Variants in ERC2 observed in about 807,000 individuals in gnomAD.
ERC2 encodes the protein ERC protein 2.
A neutral mutation model predicts 114.8 loss-of-function variants in ERC2; 42 were observed. The ratio of observed to expected loss-of-function variants is 0.37; its 90% CI spans 0.29 to 0.47. The LOEUF is 0.47. Ranked by LOEUF, ERC2 falls within the 20% of genes least tolerant of loss-of-function variation. ERC2 has a pLI of 0.99. For synonymous variants in ERC2, 454 were observed against 425.5 expected (o/e 1.07, Z -0.82); for missense variants, 939 against 1,150.7 (o/e 0.82, Z 2.66).
chr3:55,641,045 G>A (rs1452106110), intron 17 of ERC2, among the ~76,000 whole-genome samples: 1 of 152,160 alleles, frequency 6.6e-6, no homozygotes, highest in Non-Finnish European at 1.5e-5. Flanking sequence ...TACATCTGGG[G>A]TGTCCATACT....
At chr3:55,814,842 G>A (rs1419550500) in intron 14 of ERC2, among the ~76,000 whole-genome samples, 1 of 152,198 alleles carries the variant, frequency 6.6e-6, no homozygotes, top group Non-Finnish European at 1.5e-5. Flanking sequence ...CAATGACAAA[G>A]TCATCTAAAA....
intron 3 of ERC2, among the ~76,000 whole-genome samples, chr3:56,223,947 AAG>A (rs2050090681): frequency 6.6e-6 from 1 of 152,244 alleles, no homozygotes; most frequent in Admixed American, 6.5e-5. Flanking sequence ...ATAATATGTA[AAG>A]AGATATCCAT....
intron 3 of ERC2, among the ~76,000 whole-genome samples, chr3:56,280,112 C>T (rs1027990294): frequency 6.6e-6 from 1 of 152,048 alleles, no homozygotes; most frequent in African/African-American, 2.4e-5. Flanking sequence ...AATATGACCA[C>T]AGAAGCAAGG....
rs187416614 is a variant in ERC2 at position 55,932,342 on chromosome 3, T to C, written c.2403+18083A>G. Reference sequence around the variant, plus strand: ...ATGAAGGCAATAATGATGTTATTATTATGACATCTATTGCTATTGCTTGCC... The same window carrying C: ...ATGAAGGCAATAATGATGTTATTATCATGACATCTATTGCTATTGCTTGCC... On this transcript the variant is annotated intron_variant, in intron 13 of 17. Coordinates refer to ENST00000288221, the MANE Select transcript of ERC2 (RefSeq NM_015576.3). Among the ~76,000 whole-genome samples the C allele has an allele frequency of 3.9e-5, 6 of 152,328 alleles. No homozygotes were observed. The East Asian group carries it at 1.2e-3, about 29-fold the overall frequency.
intron 17 of ERC2, among the ~76,000 whole-genome samples, chr3:55,601,235 C>T (rs572170336): frequency 2.6e-5 from 4 of 152,206 alleles, no homozygotes; most frequent in South Asian, 2.1e-4. Flanking sequence ...TTATATTTTC[C>T]GGTTTTTGGA....
At chr3:56,226,494 C>T (rs893191579) in intron 3 of ERC2, among the ~76,000 whole-genome samples, 8 of 152,152 alleles carry the variant, frequency 5.3e-5, no homozygotes, top group African/African-American at 1.9e-4. Flanking sequence ...TTCAAAACTG[C>T]AGTGTGCTAT....
chr3:55,723,130 A>G (rs1231387598), intron 15 of ERC2, among the ~76,000 whole-genome samples: 1 of 152,240 alleles, frequency 6.6e-6, no homozygotes, highest in Admixed American at 6.5e-5. Context: ...ATAAACCAAG[A>G]AATATGTTTT....
At chr3:55,733,792 C>T (rs776688795) in intron 15 of ERC2, among the ~76,000 whole-genome samples, 14 of 152,130 alleles carry the variant, frequency 9.2e-5, no homozygotes, top group Non-Finnish European at 1.8e-4. Context: ...GAGAGCCTGC[C>T]CCAGGGGCTG....
At chr3:55,713,611 T>A (rs1379293865) in intron 15 of ERC2, among the ~76,000 whole-genome samples, 1 of 152,226 alleles carries the variant, frequency 6.6e-6, no homozygotes, top group Non-Finnish European at 1.5e-5. Flanking sequence ...TTGTCTGCCA[T>A]TGTTTTTGGT....
intron 2 of ERC2, among the ~76,000 whole-genome samples, chr3:56,329,874 C>T (rs1482154650): frequency 1.4e-5 from 2 of 144,258 alleles, no homozygotes; most frequent in Non-Finnish European, 3.0e-5. Context: ...TATATATTTC[C>T]ACTATATATA....
rs73076956 is a variant in ERC2 at position 55,788,464 on chromosome 3, A to G, written c.2565-53546T>C. Among the ~76,000 whole-genome samples, 418 of 152,340 alleles carry G rather than the reference A, an allele frequency of 2.7e-3. 2 individuals carry two copies. Among genetic ancestry groups the G allele is most frequent in the Non-Finnish European group, 4.1e-3 (281 of 68,028 alleles). On this transcript the variant is annotated intron_variant, in intron 14 of 17. Transcript: ENST00000288221. ...GGCAATTCAAAACCAAAACCACAGC[A>G]TAAAAAGACCTTGATCTTTTTGTCC...
intron 3 of ERC2, among the ~76,000 whole-genome samples, chr3:56,205,513 C>A (rs2048671916): frequency 6.6e-6 from 1 of 152,210 alleles, no homozygotes; most frequent in South Asian, 2.1e-4. Flanking sequence ...AACCACCTAA[C>A]AACCCACATC....
chr3:56,431,515 G>A (rs749597805), intron 2 of ERC2, among the ~76,000 whole-genome samples: 1 of 152,190 alleles, frequency 6.6e-6, no homozygotes, highest in Admixed American at 6.5e-5. Flanking sequence ...CACCTGACCT[G>A]CTTCTTACTT....
At chr3:56,180,623 A>G (rs903367073) in intron 3 of ERC2, among the ~76,000 whole-genome samples, 7 of 152,142 alleles carry the variant, frequency 4.6e-5, no homozygotes, top group African/African-American at 1.4e-4. Context: ...TCGAAATAGA[A>G]AGTGAAATGG....
chr3:56,163,136 C>A (rs564559593), intron 4 of ERC2, among the ~76,000 whole-genome samples: 2 of 152,224 alleles, frequency 1.3e-5, no homozygotes, highest in Admixed American at 1.3e-4. Context: ...AAAAGTCATG[C>A]AGGAGCAAAT....
Position 55,605,359 on chromosome 3 carries a change from TCA to T in ERC2, c.*39+78433_*39+78434del, listed in dbSNP as rs2058598470. Among the ~76,000 whole-genome samples, 3 of 152,288 alleles carry T rather than the reference TCA, an allele frequency of 2.0e-5. No individual in the cohort carries two copies. In the South Asian group the frequency reaches 6.2e-4, roughly 32 times the overall value. ...GATCCTCCCACCTCAGCCTCCCCAG[TCA>T]CTGGGATTACAGACATCAGCCACCA... On this transcript the variant is annotated intron_variant, in intron 17 of 17. Coordinates refer to ENST00000288221, the MANE Select transcript of ERC2 (RefSeq NM_015576.3).
intron 7 of ERC2, among the ~76,000 whole-genome samples, chr3:56,044,187 C>G (rs1397112874): frequency 7.2e-5 from 11 of 152,170 alleles, no homozygotes; most frequent in Non-Finnish European, 1.6e-4. Context: ...AGAGTTTGTT[C>G]TTCAAGACTC....
chr3:56,040,381 G>T (rs981916903), intron 7 of ERC2, among the ~76,000 whole-genome samples: 4 of 150,452 alleles, frequency 2.7e-5, no homozygotes, highest in South Asian at 4.2e-4. Context: ...TTTAGACAGG[G>T]TCTCCCTCTG....
intron 2 of ERC2, among the ~76,000 whole-genome samples, chr3:56,414,186 G>A (rs556888435): frequency 6.6e-6 from 1 of 152,318 alleles, no homozygotes; most frequent in South Asian, 2.1e-4. Context: ...TTAGCATAAA[G>A]TAGTGGTGGC....
Sources: allele counts gnomAD v4.1 joint callset (sites outside exome capture counted in the v4.1 genomes callset), GRCh38; gene constraint gnomAD v4.1.1; transcripts MANE v1.5; gene names NCBI Gene and HGNC (gene_info 2026-07-23, HGNC 2026-07-21).